DSCAML1: variants seen among roughly 807,000 people sequenced by gnomAD.
DSCAML1 encodes the protein DS cell adhesion molecule like 1, also known as cell adhesion molecule DSCAML1.
A neutral mutation model predicts 200.5 loss-of-function variants in DSCAML1; 38 were observed. The observed-to-expected ratio is 0.19, with a 90% CI of 0.15 to 0.25. DSCAML1 has a LOEUF of 0.25. Among genes scored for constraint, DSCAML1 ranks in the 10% least tolerant of loss-of-function variants. The probability of loss-of-function intolerance (pLI) is 1.00; values close to 1 mark genes in which losing one functional copy is unlikely to be tolerated. For synonymous variants in DSCAML1, 1,215 were observed against 1,165.0 expected, an observed-to-expected ratio of 1.04 and a Z score of -0.87; for missense variants, 2,223 against 2,858.8, an observed-to-expected ratio of 0.78 and a Z score of 5.07.
intron 11 of DSCAML1, among the ~76,000 whole-genome samples, chr11:117,483,132 G>A (rs1445310835): frequency 6.6e-6 from 1 of 152,232 alleles, no homozygotes; most frequent in Non-Finnish European, 1.5e-5. Context: ...GGCAGCAGCA[G>A]GAGGCAAGGG....
rs764993619 is a variant in DSCAML1 at position 117,482,025 on chromosome 11, G to A, written c.2497C>T (p.Arg833Cys). 72 of 1,614,052 alleles carry A rather than the reference G, an allele frequency of 4.5e-5. No individual in the cohort carries two copies. The highest frequency in any genetic ancestry group is 5.4e-5 in the Non-Finnish European group (64 of 1,180,022). Reference protein sequence around the residue: ...EKGDTVIDPDRVMRYAIATKD... With the variant: ...EKGDTVIDPDCVMRYAIATKD... Reference sequence around the variant, plus strand: ...GTGGCGATGGCATACCGCATGACGCGGTCAGGGTCGATGACTGTGTCCCCC... The same window carrying A: ...GTGGCGATGGCATACCGCATGACGCAGTCAGGGTCGATGACTGTGTCCCCC... Residue 833 changes from arginine (R) to cysteine (C), a missense_variant, in exon 12 of 33, where the codon CGC becomes TGC. This residue lies in a region of DSCAML1 where 438 missense variants were observed against 629.7 expected (regional missense o/e 0.70). Coordinates refer to ENST00000651296, the MANE Select transcript of DSCAML1 (RefSeq NM_020693.4).
chr11:117,554,565 C>T (rs771096719), intron 3 of DSCAML1, among the ~76,000 whole-genome samples: 48 of 152,168 alleles, frequency 3.2e-4, no homozygotes, highest in Non-Finnish European at 5.6e-4. Flanking sequence ...TTAGTAGAGA[C>T]GGAGTTTCAC....
intron 1 of DSCAML1, among the ~76,000 whole-genome samples, chr11:117,806,167 A>G (rs533220155): frequency 1.3e-5 from 2 of 152,322 alleles, no homozygotes; most frequent in East Asian, 3.9e-4. Flanking sequence ...TGATCTTTAC[A>G]GTCTCACCTA....
chr11:117,780,244 G>GAAAGAA lies in DSCAML1; in HGVS notation c.364+243_364+248dup, dbSNP rs1555032704. ...GAAAGAAAGAAAGGAAAGAAAGAAA[G>GAAAGAA]AAAGAAAGAAAGAAAGAAAGAAAGA... On this transcript the variant is annotated intron_variant, in intron 2 of 32. Transcript: ENST00000651296. This position sits in a 1 kb window ranked among gnomAD's most constrained non-coding sequence, Gnocchi z 4.8. Among the ~76,000 whole-genome samples the GAAAGAA allele has an allele frequency of 5.9e-3, 412 of 69,586 alleles. 13 individuals carry two copies. The highest frequency in any genetic ancestry group is 0.012 in the African/African-American group (242 of 20,110). 45.7% of individuals were successfully genotyped at this position (69,586 alleles called of 152,430 possible).
At chr11:117,467,288 C>T (rs2048603181) in intron 16 of DSCAML1, among the ~76,000 whole-genome samples, 1 of 151,080 alleles carries the variant, frequency 6.6e-6, no homozygotes, top group Non-Finnish European at 1.5e-5. Context: ...AATCCACACC[C>T]CTACTCCCAA....
At chr11:117,715,393 C>T (rs2053934278) in intron 3 of DSCAML1, among the ~76,000 whole-genome samples, 1 of 152,190 alleles carries the variant, frequency 6.6e-6, no homozygotes, top group African/African-American at 2.4e-5. Flanking sequence ...AGCCGTAGCC[C>T]AGTCTCTGTA....
At chr11:117,590,749 C>CCACTGTG (rs2051243381) in intron 3 of DSCAML1, among the ~76,000 whole-genome samples, 1 of 152,130 alleles carries the variant, frequency 6.6e-6, no homozygotes, top group Non-Finnish European at 1.5e-5. Context: ...GGGGTATGTC[C>CCACTGTG]CAGGGTGATG....
chr11:117,431,838 G>A (rs558286353), intron 30 of DSCAML1, 110 bp from the exon 31 acceptor site: 168 of 1,045,306 alleles, frequency 1.6e-4, no homozygotes, highest in Admixed American at 4.1e-4. Flanking sequence ...GGCAGATGCA[G>A]CCACAGAAGC....
At chr11:117,783,730 G>C (rs1433058166) in intron 1 of DSCAML1, among the ~76,000 whole-genome samples, 1 of 152,114 alleles carries the variant, frequency 6.6e-6, no homozygotes, top group Non-Finnish European at 1.5e-5. Context: ...AGAGCTGGGG[G>C]ATGCACCTCC....
Position 117,432,518 on chromosome 11 carries a change from G to A in DSCAML1, c.5027-14C>T. Reference sequence around the variant, plus strand: ...CCTTGTCATCTCCTGGGGAAAGAAGGACAATTACTGGGAGTCCTTTACAAT... The same window carrying A: ...CCTTGTCATCTCCTGGGGAAAGAAGAACAATTACTGGGAGTCCTTTACAAT... On this transcript the variant is annotated splice_polypyrimidine_tract_variant and intron_variant, in intron 29 of 32. Transcript: ENST00000651296. 1 of 1,611,760 alleles carries A rather than the reference G, an allele frequency of 6.2e-7. No homozygotes were observed. Among genetic ancestry groups the A allele is most frequent in the Non-Finnish European group, 8.5e-7 (1 of 1,179,230 alleles).
In DSCAML1 at chr11:117,633,506, C is replaced by T. The variant is rs528072232; in HGVS notation, c.512-100984G>A. ...TCTGCTTTACACTGAAAGCCTTCAG[C>T]GCGTGGCAGGTTTTCACGCAGAATT... On this transcript the variant is annotated intron_variant, in intron 3 of 32. Transcript: ENST00000651296. Among the ~76,000 whole-genome samples the T allele has an allele frequency of 4.6e-5, 7 of 152,280 alleles. No homozygotes were observed. In the East Asian group the frequency reaches 9.6e-4, roughly 21 times the overall value.
At chr11:117,622,287 G>A (rs1263250585) in intron 3 of DSCAML1, among the ~76,000 whole-genome samples, 5 of 152,212 alleles carry the variant, frequency 3.3e-5, no homozygotes, top group African/African-American at 1.2e-4. Flanking sequence ...ACACACACCT[G>A]CTGTGGTGTA....
chr11:117,715,158 A>G (rs543516042), intron 3 of DSCAML1, among the ~76,000 whole-genome samples: 6 of 150,632 alleles, frequency 4.0e-5, no homozygotes, highest in Non-Finnish European at 7.4e-5. Flanking sequence ...CTTGGCTTCC[A>G]TCACTTTTCT....
At chr11:117,645,690 A>T (rs2052506923) in intron 3 of DSCAML1, among the ~76,000 whole-genome samples, 1 of 146,152 alleles carries the variant, frequency 6.8e-6, no homozygotes, top group African/African-American at 2.5e-5. Context: ...CATAGGTGGG[A>T]ATTGAACAAT....
Position 117,435,689 on chromosome 11 carries a change from T to C in DSCAML1, c.4831A>G (p.Ile1611Val), listed in dbSNP as rs768763680. The C allele has an allele frequency of 1.9e-5, 30 of 1,611,268 alleles. No homozygotes were observed. In the Admixed American group the frequency reaches 4.5e-4, roughly 24 times the overall value. ...TTCTCCTTCCTCTTCTTGCGTACGA[T>C]GAAGAGCAGTGCCACCCCCAGTGTG... ...LATLGVALLF[I>V]VRKKRKEKRL... The change falls in exon 27 of 33, where the codon ATC becomes GTC. Residue 1611 changes from isoleucine (I) to valine (V), a missense_variant. By Grantham distance (29) the Ile-to-Val change is conservative. Transcript: ENST00000651296.
chr11:117,431,732 C>A lies in DSCAML1; in HGVS notation c.5180-4G>T. The A allele has an allele frequency of 6.5e-7, 1 of 1,532,042 alleles. No individual in the cohort carries two copies. Among genetic ancestry groups the A allele is most frequent in the South Asian group, 1.3e-5 (1 of 79,318 alleles). The allele number at this position is 1,532,042 out of a possible 1,614,324, so 94.9% of individuals were successfully genotyped here. On this transcript the variant is annotated splice_region_variant and splice_polypyrimidine_tract_variant and intron_variant, in intron 30 of 32. Coordinates refer to ENST00000651296, the MANE Select transcript of DSCAML1 (RefSeq NM_020693.4). ...ACATTCTTCCTGGACACTGGATCTG[C>A]ACAGACAGAAGCAAGAAATTGCATC...
chr11:117,569,943 G>A (rs1007024676), intron 3 of DSCAML1, among the ~76,000 whole-genome samples: 1 of 152,202 alleles, frequency 6.6e-6, no homozygotes, highest in Non-Finnish European at 1.5e-5. Context: ...CATGGGATGT[G>A]AATGAGAAAT....
At chr11:117,729,573 A>G (rs563442705) in intron 3 of DSCAML1, among the ~76,000 whole-genome samples, 1 of 152,360 alleles carries the variant, frequency 6.6e-6, no homozygotes, top group African/African-American at 2.4e-5. Context: ...CTACAACTCA[A>G]TAATAAAAGG....
chr11:117,557,245 G>T (rs2050574980), intron 3 of DSCAML1, among the ~76,000 whole-genome samples: 1 of 152,208 alleles, frequency 6.6e-6, no homozygotes, highest in African/African-American at 2.4e-5. Flanking sequence ...CTCTGACTTA[G>T]AGAAAGAAGG....
Sources: gnomAD v4.1 joint callset for allele counts (sites outside exome capture counted in the v4.1 genomes callset) on GRCh38, gnomAD v4.1.1 for gene constraint, gnomAD v4.1.1 regional missense constraint, Gnocchi (gnomAD v3.1) non-coding constraint, MANE v1.5 for transcripts, NCBI Gene and HGNC (gene_info 2026-07-23, HGNC 2026-07-21) for gene names.